The following TEAD4 variants were observed in gnomAD, a reference collection of about 807,000 sequenced individuals.
The protein encoded by TEAD4 is TEA domain transcription factor 4.
In TEAD4, 36 loss-of-function variants were observed where a neutral mutation model predicts 52.4. The ratio of observed to expected loss-of-function variants is 0.69; its 90% CI spans 0.53 to 0.91. The LOEUF is 0.91. Ranked by LOEUF, TEAD4 falls within the 40% of genes least tolerant of loss-of-function variation. The pLI is 0.00. For missense variants in TEAD4, 508 were observed against 583.9 expected (o/e 0.87, Z 1.34); for synonymous variants, 220 against 231.0 (o/e 0.95, Z 0.43).
intron 2 of TEAD4, among the ~76,000 whole-genome samples, chr12:2,973,171 A>G (rs564708655): frequency 6.6e-6 from 1 of 152,310 alleles, no homozygotes; most frequent in Admixed American, 6.5e-5. Flanking sequence ...ACCCAGGCTC[A>G]AGTGTCCCTC....
At chr12:3,020,519 G>A (rs1306452298) in intron 8 of TEAD4, 115 bp from the exon 9 acceptor site, 4 of 1,288,128 alleles carry the variant, frequency 3.1e-6, no homozygotes, top group Non-Finnish European at 4.1e-6. Flanking sequence ...TAGGGAGACA[G>A]GCGGTCCCCC....
chr12:2,995,720 G>A (rs907801897), intron 3 of TEAD4, among the ~76,000 whole-genome samples: 2 of 152,172 alleles, frequency 1.3e-5, no homozygotes, highest in African/African-American at 4.8e-5. Flanking sequence ...AATGAAGCAG[G>A]GGCTGGGCAT....
intron 10 of TEAD4, among the ~76,000 whole-genome samples, chr12:3,025,258 T>C (rs1395649527): frequency 6.6e-6 from 1 of 152,198 alleles, no homozygotes; most frequent in Non-Finnish European, 1.5e-5. Flanking sequence ...TGTTATTCTC[T>C]AGGCTTGCCC....
At chr12:3,034,504 C>A (rs1325736459) in intron 10 of TEAD4, among the ~76,000 whole-genome samples, 1 of 152,104 alleles carries the variant, frequency 6.6e-6, no homozygotes, top group Non-Finnish European at 1.5e-5. Context: ...GGGGATCTGC[C>A]AATTGCTCCT....
chr12:3,038,258 C>A, intron 11 of TEAD4, 150 bp downstream of exon 11: 1 of 1,017,580 alleles, frequency 9.8e-7, no homozygotes, highest in African/African-American at 1.6e-5. Flanking sequence ...TGCTGTGTGC[C>A]TCCCACACTC....
At chr12:3,002,985 G>A (rs1030070946) in intron 3 of TEAD4, among the ~76,000 whole-genome samples, 1 of 152,178 alleles carries the variant, frequency 6.6e-6, no homozygotes, top group African/African-American at 2.4e-5. Flanking sequence ...TCCTTCTCCA[G>A]CCCCAGGTGT....
At chr12:3,031,795 A>T (rs1395315876) in intron 10 of TEAD4, among the ~76,000 whole-genome samples, 1 of 152,226 alleles carries the variant, frequency 6.6e-6, no homozygotes, top group Non-Finnish European at 1.5e-5. Context: ...TGCCCAGTTC[A>T]TAGTACCAGA....
chr12:3,017,226 C>A, intron 5 of TEAD4, 172 bp from the exon 6 acceptor site: 2 of 796,010 alleles, frequency 2.5e-6, no homozygotes, highest in Non-Finnish European at 4.2e-6. Flanking sequence ...GAGAAACCAG[C>A]TGACTTTCTC....
intron 3 of TEAD4, among the ~76,000 whole-genome samples, chr12:2,995,394 C>T (rs944824504): frequency 6.6e-6 from 1 of 152,130 alleles, no homozygotes; most frequent in East Asian, 1.9e-4. Context: ...AAACAGATGC[C>T]GAGCCTTCTG....
At chr12:3,010,825 C>T (rs1303081099) in intron 3 of TEAD4, among the ~76,000 whole-genome samples, 179 bp from the exon 4 acceptor site, 2 of 152,162 alleles carry the variant, frequency 1.3e-5, no homozygotes, top group African/African-American at 2.4e-5. Context: ...GTCTTCCTCT[C>T]GCTGCTGGGA....
At chr12:3,006,563 A>T (rs939182523) in intron 3 of TEAD4, among the ~76,000 whole-genome samples, 1 of 152,056 alleles carries the variant, frequency 6.6e-6, no homozygotes, top group Non-Finnish European at 1.5e-5. Flanking sequence ...CGTTGCCTGT[A>T]ATCCCAACTA....
At chr12:2,987,752 C>G (rs1438761892) in intron 2 of TEAD4, among the ~76,000 whole-genome samples, 1 of 132,046 alleles carries the variant, frequency 7.6e-6, no homozygotes, top group Non-Finnish European at 1.5e-5. Flanking sequence ...TTGTGGAAAA[C>G]TGTGTGGAAT....
At chr12:3,013,439 G>A (rs1175645161) in intron 5 of TEAD4, among the ~76,000 whole-genome samples, 1 of 150,812 alleles carries the variant, frequency 6.6e-6, no homozygotes, top group Admixed American at 6.6e-5. Flanking sequence ...TCAGAATCCA[G>A]TTTAAAAGCT....
chr12:2,968,744 A>G (rs2098222667), intron 2 of TEAD4, among the ~76,000 whole-genome samples: 1 of 151,672 alleles, frequency 6.6e-6, no homozygotes, highest in Non-Finnish European at 1.5e-5. Context: ...AAACTCCTGC[A>G]CTCAGATGGT....
At chr12:3,040,082 C>T in intron 11 of TEAD4, 25 bp from the exon 12 acceptor site, 1 of 1,613,058 alleles carries the variant, frequency 6.2e-7, no homozygotes, top group Non-Finnish European at 8.5e-7. Context: ...GGATTCTAAG[C>T]CCCTGCTCTC....
Position 3,022,559 on chromosome 12 carries a change from A to G in TEAD4, c.897+542A>G, listed in dbSNP as rs1235458152. Among the ~76,000 whole-genome samples the G allele has an allele frequency of 1.1e-4, 16 of 152,320 alleles. No individual in the cohort carries two copies. In the East Asian group the frequency reaches 3.1e-3, roughly 29 times the overall value. On this transcript the variant is annotated intron_variant, in intron 10 of 12. Coordinates refer to ENST00000359864, the MANE Select transcript of TEAD4 (RefSeq NM_003213.4). ...AAGAAACACCCACCCAGCTTCTCAG[A>G]TAGCTCAGCCTGTAGACTTGGCCTC...
At chr12:3,008,990 C>A (rs1447810215) in intron 3 of TEAD4, among the ~76,000 whole-genome samples, 1 of 152,206 alleles carries the variant, frequency 6.6e-6, no homozygotes, top group Admixed American at 6.5e-5. Context: ...GGGTTACTTA[C>A]TTGGGCCTAG....
intron 5 of TEAD4, among the ~76,000 whole-genome samples, chr12:3,012,529 C>T (rs116536486): frequency 0.014 from 2,141 of 152,266 alleles, 68 homozygotes; most frequent in African/African-American, 0.049. Context: ...ACCCACCAGC[C>T]CTCATTTCTT....
chr12:3,014,080 A>G (rs1375102569), intron 5 of TEAD4, among the ~76,000 whole-genome samples: 1 of 152,102 alleles, frequency 6.6e-6, no homozygotes, highest in Non-Finnish European at 1.5e-5. Context: ...CTGTTCCCCA[A>G]GCCCCACAGC....
Sources: gnomAD v4.1 joint callset for allele counts (sites outside exome capture counted in the v4.1 genomes callset) on GRCh38, gnomAD v4.1.1 for gene constraint, MANE v1.5 for transcripts, NCBI Gene and HGNC (gene_info 2026-07-23, HGNC 2026-07-21) for gene names.